The following COL3A1 variants were observed in gnomAD, a reference collection of about 807,000 sequenced individuals.
COL3A1 encodes collagen type III alpha 1 chain, also known as collagen alpha-1(III) chain.
COL3A1 carries 46 observed loss-of-function variants against 200.9 expected under a neutral mutation model. The observed-to-expected ratio is 0.23, with a 90% confidence interval of 0.18 to 0.29. The LOEUF is 0.29. COL3A1 is among the 10% of genes least tolerant of loss of function. COL3A1 has a pLI of 1.00. For missense variants in COL3A1, 1,367 were observed against 1,917.6 expected (o/e 0.71, Z 5.36); for synonymous variants, 650 against 628.0 (o/e 1.03, Z -0.52).
At chr2:189,003,166 C>T (rs1688507948) in intron 36 of COL3A1, 104 bp downstream of exon 36, 3 of 973,410 alleles carry the variant, frequency 3.1e-6, no homozygotes, top group Non-Finnish European at 3.2e-6. Context: ...CTCTGTAAGT[C>T]CTAAGTGTTC....
chr2:189,006,518 G>T, intron 43 of COL3A1, 66 bp downstream of exon 43: 1 of 1,500,358 alleles, frequency 6.7e-7, no homozygotes. Context: ...TTTGTAGGTA[G>T]AAGGTAGAAT....
intron 26 of COL3A1, 104 bp downstream of exon 26, chr2:188,997,493 A>T (rs1688356001): frequency 7.6e-7 from 1 of 1,307,674 alleles, no homozygotes; most frequent in Admixed American, 1.8e-5. Flanking sequence ...GTTACAGTTT[A>T]CCAAAGCAAT....
At chr2:188,974,623 C>A in intron 1 of COL3A1, 55 bp downstream of exon 1, 2 of 1,405,356 alleles carry the variant, frequency 1.4e-6, no homozygotes, top group Non-Finnish European at 2.0e-6. Context: ...TTCTTCTCCT[C>A]ACAAAGAGGG....
At chr2:188,998,556 A>T in intron 28 of COL3A1, 118 bp from the exon 29 acceptor site, 1 of 1,131,124 alleles carries the variant, frequency 8.8e-7, no homozygotes, top group Non-Finnish European at 1.3e-6. Flanking sequence ...ACAGTATGCC[A>T]ACATGACAAA....
At chr2:188,999,959 T>TC (rs1688420799) in intron 32 of COL3A1, 64 bp downstream of exon 32, 6 of 1,505,138 alleles carry the variant, frequency 4.0e-6, no homozygotes, top group South Asian at 1.2e-5. Flanking sequence ...GTCCTGCACT[T>TC]CAACTTTAAT....
At chr2:188,995,574 A>C (rs1447534303) in intron 21 of COL3A1, 118 bp from the exon 22 acceptor site, 3 of 701,266 alleles carry the variant, frequency 4.3e-6, no homozygotes, top group African/African-American at 3.6e-5. Flanking sequence ...ATGTTTCAGC[A>C]ACACACGAAC....
chr2:188,999,415 TA>T (rs1688403510), intron 30 of COL3A1, 32 bp downstream of exon 30: 2 of 1,613,840 alleles, frequency 1.2e-6, no homozygotes, highest in East Asian at 4.5e-5. Context: ...CACCTAGGTT[TA>T]AAAAATGCAT....
rs769747471 is a variant in COL3A1 at position 189,010,261 on chromosome 2, A to G, written c.3907A>G (p.Ile1303Val). 7 of 1,614,106 alleles carry G rather than the reference A, an allele frequency of 4.3e-6. No individual in the cohort carries two copies. Among genetic ancestry groups the G allele is most frequent in the African/African-American group, 2.7e-5 (2 of 74,954 alleles). Reference sequence around the variant, plus strand: ...TAATATGGAAACTGGGGAAACATGCATAAGTGCCAATCCTTTGAATGTTCC... The same window carrying G: ...TAATATGGAAACTGGGGAAACATGCGTAAGTGCCAATCCTTTGAATGTTCC... ...FCNMETGETC[I>V]SANPLNVPRK... The change falls in exon 49 of 51, where the codon ATA (isoleucine) becomes GTA (valine). Residue 1303 changes from isoleucine to valine, a missense_variant. By Grantham distance (29) the Ile-to-Val change is conservative. This residue lies in a region of COL3A1 where 846 missense variants were observed against 1,147.9 expected (regional missense o/e 0.74). Transcript: ENST00000304636.
Position 189,011,807 on chromosome 2 carries a change from A to C in COL3A1, c.*33A>C. 3 of 1,612,436 alleles carry C rather than the reference A, an allele frequency of 1.9e-6. No individual in the cohort carries two copies. Among genetic ancestry groups the C allele is most frequent in the Non-Finnish European group, 1.7e-6 (2 of 1,178,586 alleles). On this transcript the variant is annotated 3_prime_UTR_variant, in exon 51 of 51. Transcript: ENST00000304636. ...TCTATCTGAAATCCCAACAAAAAAA[A>C]TTTAACTCCATATGTGTTCCTCTTG...
At chr2:188,988,274 T>G in intron 6 of COL3A1, 140 bp downstream of exon 6, 1 of 786,774 alleles carries the variant, frequency 1.3e-6, no homozygotes, top group South Asian at 1.5e-5. Context: ...TGATTAAGGC[T>G]TCAAAGATGG....
At chr2:189,007,968 C>T in intron 46 of COL3A1, 30 bp downstream of exon 46, 1 of 1,614,052 alleles carries the variant, frequency 6.2e-7, no homozygotes, top group South Asian at 1.1e-5. Context: ...ATTACAGGTC[C>T]ACATGTTTCA....
chr2:188,989,494 G>A (rs1688134061), intron 8 of COL3A1, 45 bp downstream of exon 8: 2 of 1,414,438 alleles, frequency 1.4e-6, no homozygotes, highest in Admixed American at 3.5e-5. Flanking sequence ...AATTTAACTT[G>A]GTGTATTCTA....
chr2:189,005,620 A>C (rs1285605697), intron 41 of COL3A1, 163 bp downstream of exon 41: 1 of 705,900 alleles, frequency 1.4e-6, no homozygotes, highest in East Asian at 2.7e-5. Context: ...GGATAGACTT[A>C]AAAGCTCTTG....
At chr2:188,993,238 C>T in intron 15 of COL3A1, 123 bp from the exon 16 acceptor site, 1 of 803,436 alleles carries the variant, frequency 1.2e-6, no homozygotes, top group Non-Finnish European at 2.1e-6. Flanking sequence ...CCTTGCTTTA[C>T]CTGCAGTATA....
chr2:188,986,430 A>T (rs1688065904), intron 4 of COL3A1, among the ~76,000 whole-genome samples: 3 of 152,194 alleles, frequency 2.0e-5, no homozygotes, highest in South Asian at 4.1e-4. Flanking sequence ...GAACCAAAGT[A>T]TATTGTCTAA....
At chr2:188,983,325 G>T (rs1180869381) in intron 1 of COL3A1, among the ~76,000 whole-genome samples, 2 of 151,906 alleles carry the variant, frequency 1.3e-5, no homozygotes, top group Non-Finnish European at 2.9e-5. Flanking sequence ...AAAACTTCTT[G>T]AGTAGATCAA....
intron 50 of COL3A1, among the ~76,000 whole-genome samples, chr2:189,011,092 C>G (rs1688714662): frequency 6.6e-6 from 1 of 152,146 alleles, no homozygotes; most frequent in Admixed American, 6.6e-5. Flanking sequence ...AGATGAAAAC[C>G]AGTTGAAATA....
chr2:188,995,585 C>A (rs1213553017), intron 21 of COL3A1, 107 bp from the exon 22 acceptor site: 2 of 744,418 alleles, frequency 2.7e-6, no homozygotes, highest in African/African-American at 3.6e-5. Context: ...ACACACGAAC[C>A]CTTTTTAAAA....
chr2:189,006,758 C>T (rs1305836670), intron 43 of COL3A1, among the ~76,000 whole-genome samples, 179 bp from the exon 44 acceptor site: 3 of 152,168 alleles, frequency 2.0e-5, no homozygotes, highest in African/African-American at 7.2e-5. Context: ...TCTAGATCCC[C>T]TGAGAAAGCT....
Sources: gnomAD v4.1 joint callset for allele counts (sites outside exome capture counted in the v4.1 genomes callset) on GRCh38, gnomAD v4.1.1 for gene constraint, gnomAD v4.1.1 regional missense constraint, MANE v1.5 for transcripts, NCBI Gene and HGNC (gene_info 2026-07-23, HGNC 2026-07-21) for gene names.